The following PDZD8 variants were observed in gnomAD, a reference collection of about 807,000 sequenced individuals.
The protein encoded by PDZD8 is PDZ domain containing 8, also known as PDZ domain-containing protein 8.
In PDZD8, 14 loss-of-function variants were observed where a neutral mutation model predicts 85.8. The ratio of observed to expected loss-of-function variants is 0.16; its 90% CI spans 0.11 to 0.26. PDZD8 has a LOEUF of 0.26. Ranked by LOEUF, PDZD8 falls within the 10% of genes least tolerant of loss-of-function variation. The pLI is 1.00. For missense variants in PDZD8, 1,197 were observed against 1,424.3 expected (o/e 0.84, Z 2.57); for synonymous variants, 592 against 568.6 (o/e 1.04, Z -0.59).
At chr10:117,311,026 A>G (rs2070240384) in intron 3 of PDZD8, among the ~76,000 whole-genome samples, 1 of 152,184 alleles carries the variant, frequency 6.6e-6, no homozygotes, top group East Asian at 1.9e-4. Context: ...GGTGCATTCA[A>G]TTTCATTCAG....
chr10:117,287,416 C>T (rs1844684583), intron 4 of PDZD8, among the ~76,000 whole-genome samples: 1 of 152,166 alleles, frequency 6.6e-6, no homozygotes, highest in African/African-American at 2.4e-5. Flanking sequence ...TCAACTTTTT[C>T]TTTGGTTTCC....
At position 117,283,582 on chromosome 10, in the gene PDZD8, A is replaced by G. The variant is rs1193749065; in HGVS notation, c.3151T>C (p.Leu1051=). ...DKLQNEIDQE[L]EHNNSLVREE... is the part of the protein sequence containing the mutation. ...CTAACAAGGGAATTATTGTGTTCCAACTCCTGATCAATTTCATTCTGTAGC... is the reference window on the plus strand; with the variant it reads ...CTAACAAGGGAATTATTGTGTTCCAGCTCCTGATCAATTTCATTCTGTAGC... Residue 1051 remains leucine, a synonymous_variant, in exon 5 of 5, where the codon TTG becomes CTG. Transcript: ENST00000334464. 12 of 1,613,888 alleles carry G rather than the reference A, an allele frequency of 7.4e-6. No homozygotes were observed. The highest frequency in any genetic ancestry group is 3.3e-4 in the Middle Eastern group (2 of 6,084).
chr10:117,293,068 A>C (rs1309536279), intron 3 of PDZD8, among the ~76,000 whole-genome samples: 1 of 152,086 alleles, frequency 6.6e-6, no homozygotes, highest in East Asian at 1.9e-4. Flanking sequence ...CCTCTTAATT[A>C]AAAGCCTGGT....
intron 2 of PDZD8, 41 bp downstream of exon 2, chr10:117,340,939 G>T: frequency 6.2e-7 from 1 of 1,608,352 alleles, no homozygotes. Context: ...TCACTGCACT[G>T]TTCTTCCCGT....
chr10:117,323,843 A>G (rs187267661), intron 2 of PDZD8, among the ~76,000 whole-genome samples: 24 of 152,276 alleles, frequency 1.6e-4, no homozygotes, highest in African/African-American at 4.6e-4. Context: ...TGCTAGAGAA[A>G]TATGAAGCTG....
intron 2 of PDZD8, among the ~76,000 whole-genome samples, chr10:117,327,060 G>C (rs185669380): frequency 6.6e-6 from 1 of 152,236 alleles, no homozygotes; most frequent in African/African-American, 2.4e-5. Context: ...CAAATGCTTT[G>C]AATGTTTACA....
intron 2 of PDZD8, among the ~76,000 whole-genome samples, chr10:117,335,950 A>G (rs1043217788): frequency 2.6e-5 from 4 of 152,224 alleles, no homozygotes; most frequent in Non-Finnish European, 5.9e-5. Flanking sequence ...ACAATTCCAT[A>G]AGGATGAACT....
At chr10:117,361,427 G>C (rs1287068769) in intron 1 of PDZD8, among the ~76,000 whole-genome samples, 1 of 152,112 alleles carries the variant, frequency 6.6e-6, no homozygotes, top group African/African-American at 2.4e-5. Context: ...TGAATAAATT[G>C]AATCTCTTCT....
At chr10:117,328,090 A>C (rs139858016) in intron 2 of PDZD8, among the ~76,000 whole-genome samples, 223 of 152,320 alleles carry the variant, frequency 1.5e-3, no homozygotes, top group African/African-American at 5.2e-3. Flanking sequence ...GGAAAAAAAA[A>C]TTATTTCTTA....
chr10:117,333,118 A>AAAAAAAAAAC (rs1554854839), intron 2 of PDZD8, among the ~76,000 whole-genome samples: 1,219 of 97,580 alleles, frequency 0.012, 91 homozygotes, highest in African/African-American at 0.048. Context: ...ACTCTGTCTC[A>AAAAAAAAAAC]AAAAAAAAAA....
chr10:117,361,461 A>C (rs1564712979), intron 1 of PDZD8, among the ~76,000 whole-genome samples: 1 of 152,162 alleles, frequency 6.6e-6, no homozygotes, highest in Non-Finnish European at 1.5e-5. Context: ...CTCTGGACAA[A>C]GTTGGTGTTA....
In PDZD8 at chr10:117,335,042, T is replaced by C. The variant is rs185527892; in HGVS notation, c.995+5938A>G. 8.6e-5 allele frequency among the ~76,000 whole-genome samples: 13 copies of C among 151,470 alleles called. No homozygotes were observed. The East Asian group carries it at 2.3e-3, about 27-fold the overall frequency. Reference sequence around the variant, plus strand: ...TAATTCATATATCCAAGAAGCTAACTGAAATGGAAGCAGGAAAAAACACAA... The same window carrying C: ...TAATTCATATATCCAAGAAGCTAACCGAAATGGAAGCAGGAAAAAACACAA... On this transcript the variant is annotated intron_variant, in intron 2 of 4. Coordinates refer to ENST00000334464, the MANE Select transcript of PDZD8 (RefSeq NM_173791.5).
rs1166669025 is a variant in PDZD8, at chr10:117,367,740, C to A, written c.872+6616G>T. Among the ~76,000 whole-genome samples, 4 of 152,114 alleles carry A rather than the reference C, an allele frequency of 2.6e-5. No homozygotes were observed. In the South Asian group the frequency reaches 6.2e-4, roughly 24 times the overall value. On this transcript the variant is annotated intron_variant, in intron 1 of 4. Coordinates refer to ENST00000334464, the MANE Select transcript of PDZD8 (RefSeq NM_173791.5). ...CCTGAAGTCAGAAGTTCAAGACCAG[C>A]CTGCCCAACATGGCAAAACCCCATC...
Position 117,374,532 on chromosome 10 carries a change from G to C in PDZD8, c.696C>G (p.Val232=). The change falls in exon 1 of 5, where the codon GTC becomes GTG. Residue 232 remains valine, a synonymous_variant. Coordinates refer to ENST00000334464, the MANE Select transcript of PDZD8 (RefSeq NM_173791.5). This position sits in a 1 kb window ranked among gnomAD's most constrained non-coding sequence, Gnocchi z 7.8. ...LSRVVGRLRL[V]FTRVPFTHWF... is the part of the protein sequence containing the mutation. ...AGTGGGTGAAGGGCACGCGCGTAAA[G>C]ACCAAGCGCAGCCTTCCCACCACGC... 6.2e-7 allele frequency: 1 copy of C among 1,609,892 alleles called. No homozygotes were observed. Among genetic ancestry groups the C allele is most frequent in the Non-Finnish European group, 8.5e-7 (1 of 1,178,116 alleles).
At chr10:117,368,490 TAGAA>T (rs746987059) in intron 1 of PDZD8, among the ~76,000 whole-genome samples, 15 of 152,126 alleles carry the variant, frequency 9.9e-5, no homozygotes, top group Admixed American at 9.8e-4. Context: ...TCCAATGTAA[TAGAA>T]AGGAAAAAAG....
chr10:117,314,397 T>A (rs1844088760), intron 3 of PDZD8, among the ~76,000 whole-genome samples: 1 of 152,210 alleles, frequency 6.6e-6, no homozygotes. Flanking sequence ...GGCTTCACAA[T>A]TTTAAATATG....
chr10:117,314,493 A>ACT (rs1170167579), intron 3 of PDZD8, among the ~76,000 whole-genome samples: 18 of 152,048 alleles, frequency 1.2e-4, no homozygotes, highest in African/African-American at 4.3e-4. Context: ...CTGATTAAGA[A>ACT]CTCCAATATA....
intron 2 of PDZD8, among the ~76,000 whole-genome samples, chr10:117,326,258 C>T (rs1005284794): frequency 6.6e-6 from 1 of 152,154 alleles, no homozygotes; most frequent in Non-Finnish European, 1.5e-5. Context: ...TTCTTTAATC[C>T]CTATAAGGTG....
In PDZD8 at chr10:117,375,129, C is replaced by G; in HGVS notation, c.99G>C (p.Pro33=). The G allele has an allele frequency of 6.3e-7, 1 of 1,591,132 alleles. No individual in the cohort carries two copies. Among genetic ancestry groups the G allele is most frequent in the East Asian group, 2.3e-5 (1 of 44,116 alleles). The change falls in exon 1 of 5, where the codon CCG becomes CCC. Residue 33 remains proline (P), a synonymous_variant. Coordinates refer to ENST00000334464, the MANE Select transcript of PDZD8 (RefSeq NM_173791.5). ...FFLLYRRQPE[P]PADEAARAGE... ...CCGCGCGGGCGGCCTCGTCCGCCGG[C>G]GGCTCGGGCTGTCTGCGGTACAGCA...
Sources: allele counts gnomAD v4.1 joint callset (sites outside exome capture counted in the v4.1 genomes callset), GRCh38; gene constraint gnomAD v4.1.1; non-coding constraint Gnocchi (gnomAD v3.1); transcripts MANE v1.5; gene names NCBI Gene and HGNC (gene_info 2026-07-23, HGNC 2026-07-21).